The following TBC1D19 variants were observed in gnomAD, a reference collection of about 807,000 sequenced individuals.
TBC1D19 encodes TBC1 domain family, member 19.
In TBC1D19, 60 loss-of-function variants were observed where a neutral mutation model predicts 89.0. That is an observed-to-expected ratio of 0.67 (90% CI 0.55 to 0.84). TBC1D19 has a LOEUF of 0.84. Ranked by LOEUF, TBC1D19 falls within the 40% of genes least tolerant of loss-of-function variation. The pLI, the probability that TBC1D19 is intolerant of heterozygous loss-of-function variation, is 0.00. For synonymous variants in TBC1D19, 189 were observed against 199.7 expected (o/e 0.95, Z 0.45); for missense variants, 500 against 610.8 (o/e 0.82, Z 1.91).
the TBC1D19 span, among the ~76,000 whole-genome samples, chr4:26,803,805 C>T: frequency 8.6e-5 from 13 of 151,230 alleles, no homozygotes; most frequent in South Asian, 1.7e-3. Context: ...GGGGAGAGGA[C>T]GGCTGGGGAA....
chr4:26,683,620 C>A, intron 11 of TBC1D19, 55 bp from the exon 12 acceptor site: 1 of 1,426,762 alleles, frequency 7.0e-7, no homozygotes, highest in Non-Finnish European at 9.8e-7. Flanking sequence ...GAGTTTAAGG[C>A]TGACTTTATA....
chr4:26,606,909 G>A (rs1741048136), intron 1 of TBC1D19, among the ~76,000 whole-genome samples: 1 of 152,080 alleles, frequency 6.6e-6, no homozygotes, highest in Non-Finnish European at 1.5e-5. Flanking sequence ...AGCTTCTTTG[G>A]CCCAGCTACT....
intron 1 of TBC1D19, among the ~76,000 whole-genome samples, chr4:26,612,413 A>T (rs1397693519): frequency 6.6e-6 from 1 of 151,856 alleles, no homozygotes; most frequent in Non-Finnish European, 1.5e-5. Context: ...AATGTAAGAG[A>T]AGGAACAAGA....
rs191811687 is a variant in TBC1D19 at position 26,607,418 on chromosome 4, A to T, written c.100-5751A>T. Among the ~76,000 whole-genome samples, 53 of 152,170 alleles carry T rather than the reference A, an allele frequency of 3.5e-4. 1 individual carries two copies. Among genetic ancestry groups the T allele is most frequent in the Middle Eastern group, 3.4e-3 (1 of 292 alleles). Reference sequence around the variant, plus strand: ...TTCACAGCCTAAAAATAACTGAAAAATTTTCTATTTGAGACTCATAATAAC... The same window carrying T: ...TTCACAGCCTAAAAATAACTGAAAATTTTTCTATTTGAGACTCATAATAAC... On this transcript the variant is annotated intron_variant, in intron 1 of 20. Coordinates refer to ENST00000264866, the MANE Select transcript of TBC1D19 (RefSeq NM_018317.4).
At chr4:26,664,778 C>T (rs1711650310) in intron 8 of TBC1D19, among the ~76,000 whole-genome samples, 1 of 151,874 alleles carries the variant, frequency 6.6e-6, no homozygotes, top group Non-Finnish European at 1.5e-5. Flanking sequence ...TGCTCTCAGG[C>T]GATATATGAT....
chr4:26,679,292 C>A (rs982158436), intron 11 of TBC1D19, among the ~76,000 whole-genome samples: 2 of 152,124 alleles, frequency 1.3e-5, no homozygotes, highest in African/African-American at 4.8e-5. Flanking sequence ...CCCTGTGTCC[C>A]ATGCTTCAGC....
At chr4:26,709,876 G>A (rs1456478252) in intron 13 of TBC1D19, among the ~76,000 whole-genome samples, 1 of 151,886 alleles carries the variant, frequency 6.6e-6, no homozygotes, top group African/African-American at 2.4e-5. Context: ...AACCCTAGGA[G>A]GTAGTTTTAT....
At chr4:26,697,273 C>T (rs1445612225) in intron 13 of TBC1D19, among the ~76,000 whole-genome samples, 1 of 152,120 alleles carries the variant, frequency 6.6e-6, no homozygotes. Flanking sequence ...TGGATAAATT[C>T]CTGGACACAA....
the TBC1D19 span, among the ~76,000 whole-genome samples, chr4:26,849,682 A>G: frequency 6.6e-6 from 1 of 152,192 alleles, no homozygotes; most frequent in African/African-American, 2.4e-5. Context: ...ATGATGAAAG[A>G]TTAATGCCCT....
At chr4:26,637,663 T>C (rs1048441196) in intron 5 of TBC1D19, among the ~76,000 whole-genome samples, 1 of 152,170 alleles carries the variant, frequency 6.6e-6, no homozygotes, top group Non-Finnish European at 1.5e-5. Context: ...TGAGCCACTG[T>C]GCCCGGCCTA....
At chr4:26,726,169 ACACACACAC>A (rs1185102079) in intron 15 of TBC1D19, among the ~76,000 whole-genome samples, 1 of 146,682 alleles carries the variant, frequency 6.8e-6, no homozygotes, top group East Asian at 2.1e-4. Context: ...ACACACACAC[ACACACACAC>A]ATCAGGAAAC....
chr4:26,852,204 C>T, the TBC1D19 span, among the ~76,000 whole-genome samples: 1 of 152,230 alleles, frequency 6.6e-6, no homozygotes, highest in East Asian at 1.9e-4. Context: ...TTAAGGTAAA[C>T]ATTTCGTTGT....
the TBC1D19 span, among the ~76,000 whole-genome samples, chr4:26,763,848 G>C: frequency 2.0e-5 from 3 of 152,330 alleles, no homozygotes; most frequent in East Asian, 3.9e-4. Flanking sequence ...AGGAAGAGGG[G>C]TGTTAGGGGA....
In TBC1D19 at chr4:26,694,359, G is replaced by A. The variant is rs963833398; in HGVS notation, c.954+5952G>A. 7.9e-5 allele frequency among the ~76,000 whole-genome samples: 12 copies of A among 152,172 alleles called. 1 individual carries two copies. Among genetic ancestry groups the A allele is most frequent in the South Asian group, 6.2e-4 (3 of 4,824 alleles). ...CAGCAAGGCTGGGGGAGGGGCGACCGACATTGCTGAGGCTTGAGTAGGTAA... is the reference window on the plus strand; with the variant it reads ...CAGCAAGGCTGGGGGAGGGGCGACCAACATTGCTGAGGCTTGAGTAGGTAA... On this transcript the variant is annotated intron_variant, in intron 13 of 20. Transcript: ENST00000264866.
At chr4:26,776,275 C>CAT in the TBC1D19 span, among the ~76,000 whole-genome samples, 42 of 151,922 alleles carry the variant, frequency 2.8e-4, no homozygotes, top group South Asian at 1.0e-3. Context: ...CTTAAGCTTT[C>CAT]ATATATATAT....
At chr4:26,829,418 C>G in the TBC1D19 span, among the ~76,000 whole-genome samples, 1 of 152,208 alleles carries the variant, frequency 6.6e-6, no homozygotes, top group Non-Finnish European at 1.5e-5. Flanking sequence ...CCCCAAAGGG[C>G]TAGAATGATT....
chr4:26,637,336 G>T, intron 5 of TBC1D19, 51 bp downstream of exon 5: 2 of 1,350,006 alleles, frequency 1.5e-6, no homozygotes, highest in Non-Finnish European at 2.1e-6. Flanking sequence ...ATCAAATACA[G>T]AAAGTATCAT....
the TBC1D19 span, among the ~76,000 whole-genome samples, chr4:26,804,856 C>T: frequency 6.6e-6 from 1 of 152,120 alleles, no homozygotes; most frequent in Non-Finnish European, 1.5e-5. Flanking sequence ...AATTTAAATT[C>T]GATTTAAACA....
chr4:26,706,104 T>C (rs1193554211), intron 13 of TBC1D19, among the ~76,000 whole-genome samples: 1 of 152,142 alleles, frequency 6.6e-6, no homozygotes, highest in African/African-American at 2.4e-5. Context: ...TTGAGAAACA[T>C]TGGTGTTAGC....
Sources: gnomAD v4.1 joint callset for allele counts (sites outside exome capture counted in the v4.1 genomes callset) on GRCh38, gnomAD v4.1.1 for gene constraint, MANE v1.5 for transcripts, NCBI Gene and HGNC (gene_info 2026-07-23, HGNC 2026-07-21) for gene names.